The following ARL14EPL variants were observed in gnomAD, a reference collection of about 807,000 sequenced individuals.
ARL14EPL encodes ARL14 effector protein-like.
In ARL14EPL, 17 loss-of-function variants were observed where a neutral mutation model predicts 15.9. The ratio of observed to expected loss-of-function variants is 1.07; its 90% confidence interval spans 0.73 to 1.60. The LOEUF is 1.60. Ranked by LOEUF, ARL14EPL falls within the 40% of genes most tolerant of loss-of-function variation. ARL14EPL has a pLI of 0.00. For synonymous variants in ARL14EPL, 78 were observed against 63.8 expected (o/e 1.22, Z -1.06); for missense variants, 214 against 185.9 (o/e 1.15, Z -0.88).
chr5:116,039,715 C>A (rs1749113617), intron 1 of ARL14EPL, among the ~76,000 whole-genome samples: 1 of 151,938 alleles, frequency 6.6e-6, no homozygotes, highest in African/African-American at 2.4e-5. Flanking sequence ...AAACTTAGTT[C>A]TTTGAGAAGA....
chr5:116,042,855 G>A (rs34722645), intron 1 of ARL14EPL, among the ~76,000 whole-genome samples: 2,968 of 152,250 alleles, frequency 0.019, 42 homozygotes, highest in Non-Finnish European at 0.031. Flanking sequence ...TTACATGAAG[G>A]ATAGTATCCT....
At chr5:116,043,728 T>C (rs970123158) in intron 1 of ARL14EPL, among the ~76,000 whole-genome samples, 3 of 152,214 alleles carry the variant, frequency 2.0e-5, no homozygotes, top group African/African-American at 7.2e-5. Flanking sequence ...CTTGGCACTT[T>C]AATTTTAAAA....
At chr5:116,038,937 G>C (rs1749097627) in intron 1 of ARL14EPL, among the ~76,000 whole-genome samples, 1 of 151,248 alleles carries the variant, frequency 6.6e-6, no homozygotes, top group African/African-American at 2.4e-5. Context: ...GTAATTACAA[G>C]CCCCAGACAG....
intron 3 of ARL14EPL, among the ~76,000 whole-genome samples, chr5:116,054,384 T>C (rs1749466503): frequency 6.6e-6 from 1 of 152,144 alleles, no homozygotes; most frequent in African/African-American, 2.4e-5. Flanking sequence ...AGCCGTGTAA[T>C]AGAGTAATGG....
At chr5:116,051,418 G>C in intron 1 of ARL14EPL, 39 bp from the exon 2 acceptor site, 1 of 1,214,326 alleles carries the variant, frequency 8.2e-7, no homozygotes, top group South Asian at 1.3e-5. Context: ...GGAGATAGAT[G>C]ATATTAATAT....
At chr5:116,058,565 T>C (rs1749573099) in intron 3 of ARL14EPL, among the ~76,000 whole-genome samples, 160 bp from the exon 4 acceptor site, 1 of 152,214 alleles carries the variant, frequency 6.6e-6, no homozygotes, top group South Asian at 2.1e-4. Context: ...TTTCTGGTAA[T>C]CCCTGGAGTT....
intron 1 of ARL14EPL, among the ~76,000 whole-genome samples, chr5:116,041,887 G>T (rs1232893365): frequency 6.6e-6 from 1 of 152,110 alleles, no homozygotes; most frequent in Admixed American, 6.5e-5. Context: ...GGAATGCACT[G>T]ACTCAATCAC....
rs140424784 is a variant in ARL14EPL at position 116,040,836 on chromosome 5, T to C, written c.-10+8331T>C. ...ATACAAAAAAAAAAAAAAAAATTAG[T>C]CGGGCGTGGTGGCGGGCGCCTGTAG... On this transcript the variant is annotated intron_variant, in intron 1 of 3. Transcript: ENST00000686077. Among the ~76,000 whole-genome samples, 896 of 145,720 alleles carry C rather than the reference T, an allele frequency of 6.1e-3. 6 individuals are homozygous for C. The highest frequency in any genetic ancestry group is 9.3e-3 in the Non-Finnish European group (617 of 66,350).
intron 3 of ARL14EPL, among the ~76,000 whole-genome samples, chr5:116,055,654 T>A (rs985839424): frequency 2.7e-5 from 4 of 148,944 alleles, no homozygotes; most frequent in Non-Finnish European, 5.9e-5. Flanking sequence ...TATATATAAT[T>A]TTTTTTATTA....
chr5:116,047,966 G>A (rs774918625), intron 1 of ARL14EPL, among the ~76,000 whole-genome samples: 2 of 152,130 alleles, frequency 1.3e-5, no homozygotes, highest in East Asian at 1.9e-4. Flanking sequence ...GGCTATTTCC[G>A]AAGCCTTCAT....
chr5:116,051,458 G>C lies in ARL14EPL; in HGVS notation c.-8G>C, dbSNP rs1328135185. On this transcript the variant is annotated splice_region_variant and 5_prime_UTR_variant, in exon 2 of 4. Transcript: ENST00000686077. ...TACTTTTTCCAATTACTTTTTAAGT[G>C]ATCAGAGATGAATGAACAATCAGAG... 6.6e-7 allele frequency: 1 copy of C among 1,516,974 alleles called. No homozygotes were observed. The highest frequency in any genetic ancestry group is 8.8e-7 in the Non-Finnish European group (1 of 1,130,254). The allele number at this position is 1,516,974 out of a possible 1,614,324, so 94.0% of individuals were successfully genotyped here.
At chr5:116,050,469 A>C (rs1187630183) in intron 1 of ARL14EPL, among the ~76,000 whole-genome samples, 1 of 152,176 alleles carries the variant, frequency 6.6e-6, no homozygotes, top group East Asian at 1.9e-4. Context: ...GCATACTTAC[A>C]CACTATTGGT....
At chr5:116,043,031 A>T (rs1045609644) in intron 1 of ARL14EPL, among the ~76,000 whole-genome samples, 2 of 151,992 alleles carry the variant, frequency 1.3e-5, no homozygotes, top group South Asian at 2.1e-4. Context: ...AGTTTTTTCA[A>T]CCACTCTCCT....
At chr5:116,046,338 G>A (rs1431085942) in intron 1 of ARL14EPL, among the ~76,000 whole-genome samples, 2 of 152,106 alleles carry the variant, frequency 1.3e-5, no homozygotes, top group African/African-American at 4.8e-5. Context: ...TGTCCATAGG[G>A]GTAATGATGG....
intron 1 of ARL14EPL, among the ~76,000 whole-genome samples, chr5:116,045,545 G>C (rs182366848): frequency 1.3e-5 from 2 of 152,264 alleles, no homozygotes; most frequent in African/African-American, 4.8e-5. Context: ...TTTAGATGCT[G>C]ATCTGTCAGT....
intron 1 of ARL14EPL, among the ~76,000 whole-genome samples, chr5:116,042,856 A>G (rs1173856861): frequency 6.6e-6 from 1 of 152,200 alleles, no homozygotes; most frequent in Admixed American, 6.5e-5. Context: ...TACATGAAGG[A>G]TAGTATCCTA....
At chr5:116,033,780 T>C (rs1377059202) in intron 1 of ARL14EPL, among the ~76,000 whole-genome samples, 1 of 152,222 alleles carries the variant, frequency 6.6e-6, no homozygotes, top group African/African-American at 2.4e-5. Flanking sequence ...TTATAACTTA[T>C]TTTGTTTGCT....
chr5:116,050,447 G>T (rs1164111519), intron 1 of ARL14EPL, among the ~76,000 whole-genome samples: 1 of 152,164 alleles, frequency 6.6e-6, no homozygotes, highest in East Asian at 1.9e-4. Context: ...TGGCTGCGTG[G>T]TATTCCTTGG....
chr5:116,051,345 T>C, intron 1 of ARL14EPL, 112 bp from the exon 2 acceptor site: 4 of 697,334 alleles, frequency 5.7e-6, no homozygotes, highest in Non-Finnish European at 2.4e-6. Context: ...ACAGATACAG[T>C]CTGGTTTTGA....
Sources: gnomAD v4.1 joint callset for allele counts (sites outside exome capture counted in the v4.1 genomes callset) on GRCh38, gnomAD v4.1.1 for gene constraint, MANE v1.5 for transcripts, NCBI Gene and HGNC (gene_info 2026-07-23, HGNC 2026-07-21) for gene names.